The following AFAP1L1 variants were observed in gnomAD, a reference collection of about 807,000 sequenced individuals.
The protein encoded by AFAP1L1 is actin filament-associated protein 1-like 1.
Under a neutral mutation model 99.8 loss-of-function variants are expected in AFAP1L1, and 77 were observed. The ratio of observed to expected loss-of-function variants is 0.77; its 90% CI spans 0.64 to 0.93. The LOEUF is 0.93. AFAP1L1 is among the 40% of genes least tolerant of loss of function. The pLI is 0.00. For synonymous variants in AFAP1L1, 373 were observed against 395.3 expected (o/e 0.94, Z 0.67); for missense variants, 893 against 996.8 (o/e 0.90, Z 1.40).
chr5:149,297,202 G>A (rs1756045248), intron 1 of AFAP1L1, among the ~76,000 whole-genome samples: 1 of 152,166 alleles, frequency 6.6e-6, no homozygotes, highest in Non-Finnish European at 1.5e-5. Context: ...ATAATTACCT[G>A]CTTTAAAGAG....
rs1460014242 is a variant in AFAP1L1 at position 149,320,760 on chromosome 5, C to T, written c.1698+297C>T. Among the ~76,000 whole-genome samples the T allele has an allele frequency of 1.3e-5, 2 of 152,206 alleles. No homozygotes were observed. Among genetic ancestry groups the T allele is most frequent in the Non-Finnish European group, 2.9e-5 (2 of 68,040 alleles). ...GGTTTGAGCAAGTTGCTGGGGCCCTCCTCCTGTTTACCACTCTGTGAACTT... is the reference window on the plus strand; with the variant it reads ...GGTTTGAGCAAGTTGCTGGGGCCCTTCTCCTGTTTACCACTCTGTGAACTT... On this transcript the variant is annotated intron_variant, in intron 14 of 18. Transcript: ENST00000296721. The surrounding 1 kb of genome is among the most constrained non-coding windows in gnomAD (Gnocchi z 4.0).
Position 149,330,998 on chromosome 5 carries a change from G to A in AFAP1L1, c.1975+1168G>A, listed in dbSNP as rs531587704. Among the ~76,000 whole-genome samples, 34 of 151,950 alleles carry A rather than the reference G, an allele frequency of 2.2e-4. 1 individual carries two copies. The South Asian group carries it at 7.1e-3, about 32-fold the overall frequency. ...ACCATGCATTAAATACATGGTGAAT[G>A]GTGAATATAAAGAGTTCAACATTAC... On this transcript the variant is annotated intron_variant, in intron 16 of 18. Coordinates refer to ENST00000296721, the MANE Select transcript of AFAP1L1 (RefSeq NM_152406.4).
At chr5:149,278,388 GCCTTTCA>G (rs760410630) in intron 1 of AFAP1L1, among the ~76,000 whole-genome samples, 116 of 152,246 alleles carry the variant, frequency 7.6e-4, no homozygotes, top group Admixed American at 3.7e-3. Context: ...CCAAAGTCTA[GCCTTTCA>G]CCTCCATCAA....
In AFAP1L1 at chr5:149,340,930, G is replaced by T. The variant is rs898007160; in HGVS notation, c.*900G>T. The T allele has an allele frequency of 7.2e-5, 11 of 152,150 alleles. No individual in the cohort carries two copies. The highest frequency in any genetic ancestry group is 1.3e-4 in the Admixed American group (2 of 15,278). The allele number at this position is 152,150 out of a possible 1,614,324, so 9.4% of individuals were successfully genotyped here. A position where few individuals can be genotyped will look rare whatever the true frequency, so the allele number is the denominator to read the frequency against. On this transcript the variant is annotated 3_prime_UTR_variant, in exon 19 of 19. Coordinates refer to ENST00000296721, the MANE Select transcript of AFAP1L1 (RefSeq NM_152406.4). ...CTTGCACTCAGAGGCCCACTAGTTTGCCCTTCTATATATTAAGTAAAACCA... is the reference window on the plus strand; with the variant it reads ...CTTGCACTCAGAGGCCCACTAGTTTTCCCTTCTATATATTAAGTAAAACCA...
intron 5 of AFAP1L1, chr5:149,302,727 G>A: frequency 2.1e-6 from 1 of 482,936 alleles, no homozygotes; most frequent in Non-Finnish European, 3.7e-6. Context: ...GGCCCCAGGG[G>A]CTGGGGGCTT....
chr5:149,291,455 G>A (rs1055767561), intron 1 of AFAP1L1, among the ~76,000 whole-genome samples: 5 of 148,914 alleles, frequency 3.4e-5, no homozygotes, highest in Non-Finnish European at 4.4e-5. Context: ...GAACCCAGGA[G>A]GCGGAGGTTG....
chr5:149,334,869 ACT>A lies in AFAP1L1; in HGVS notation c.2155-722_2155-721del, dbSNP rs1434335603. On this transcript the variant is annotated intron_variant, in intron 17 of 18. Transcript: ENST00000296721. ...CCTCCAGCCTTGGCAAGAGAGCAAG[ACT>A]CTGTCTTACAAAAAAAAAAGAAAGA... 2.6e-5 allele frequency among the ~76,000 whole-genome samples: 4 copies of A among 151,894 alleles called. No individual in the cohort carries two copies. In the East Asian group the frequency reaches 7.7e-4, roughly 29 times the overall value.
At chr5:149,328,541 G>C (rs1757156920) in intron 15 of AFAP1L1, among the ~76,000 whole-genome samples, 1 of 152,188 alleles carries the variant, frequency 6.6e-6, no homozygotes, top group Non-Finnish European at 1.5e-5. Flanking sequence ...GGGCGCAGTG[G>C]CTCACTCCTG....
chr5:149,293,686 G>T (rs1205013670), intron 1 of AFAP1L1, among the ~76,000 whole-genome samples: 1 of 152,154 alleles, frequency 6.6e-6, no homozygotes, highest in Non-Finnish European at 1.5e-5. Flanking sequence ...CATAGTTGTG[G>T]AAAGTATTAG....
chr5:149,304,848 A>T (rs1037165890), intron 5 of AFAP1L1, among the ~76,000 whole-genome samples: 6 of 152,230 alleles, frequency 3.9e-5, no homozygotes, highest in African/African-American at 1.4e-4. Flanking sequence ...TGGGAATGTC[A>T]GTGCTGCCGT....
chr5:149,272,432 C>A (rs1164151827), intron 1 of AFAP1L1, among the ~76,000 whole-genome samples: 1 of 151,922 alleles, frequency 6.6e-6, no homozygotes, highest in African/African-American at 2.4e-5. Flanking sequence ...GAAGGAGGAG[C>A]GCCGTGAGCA....
Position 149,342,080 on chromosome 5 carries a change from A to C in AFAP1L1, c.*2050A>C, listed in dbSNP as rs1421856780. Reference sequence around the variant, plus strand: ...GTCAGCCATGGCCAGCTTCACAGGCATGCAACCTGTGCAGTCACACAGGGC... The same window carrying C: ...GTCAGCCATGGCCAGCTTCACAGGCCTGCAACCTGTGCAGTCACACAGGGC... On this transcript the variant is annotated 3_prime_UTR_variant, in exon 19 of 19. Coordinates refer to ENST00000296721, the MANE Select transcript of AFAP1L1 (RefSeq NM_152406.4). Among the ~76,000 whole-genome samples the C allele has an allele frequency of 6.6e-6, 1 of 152,230 alleles. No homozygotes were observed. The highest frequency in any genetic ancestry group is 2.4e-5 in the African/African-American group (1 of 41,470).
intron 1 of AFAP1L1, among the ~76,000 whole-genome samples, chr5:149,295,591 AGAGG>A (rs1755991499): frequency 6.6e-6 from 1 of 151,502 alleles, no homozygotes; most frequent in Non-Finnish European, 1.5e-5. Flanking sequence ...AAAAAGAAAA[AGAGG>A]GAGGGAGAAT....
chr5:149,319,782 C>A, intron 13 of AFAP1L1, 55 bp downstream of exon 13: 1 of 1,591,146 alleles, frequency 6.3e-7, no homozygotes, highest in Non-Finnish European at 8.5e-7. Flanking sequence ...GTCTCCATCC[C>A]TCTCAGAGGC....
At chr5:149,304,112 G>A (rs1011058571) in intron 5 of AFAP1L1, among the ~76,000 whole-genome samples, 1 of 152,152 alleles carries the variant, frequency 6.6e-6, no homozygotes, top group East Asian at 1.9e-4. Context: ...CACATAAATG[G>A]AGTCATATAA....
chr5:149,273,216 GTGT>G (rs932736390), intron 1 of AFAP1L1, among the ~76,000 whole-genome samples: 3 of 149,790 alleles, frequency 2.0e-5, no homozygotes, highest in Middle Eastern at 3.4e-3. Context: ...AACAGGCGAA[GTGT>G]TGTTGTTGTT....
chr5:149,336,742 C>T (rs570993850), intron 18 of AFAP1L1, among the ~76,000 whole-genome samples: 1 of 152,282 alleles, frequency 6.6e-6, no homozygotes, highest in East Asian at 1.9e-4. Context: ...TATCCATGAA[C>T]GGATTAATCC....
intron 1 of AFAP1L1, among the ~76,000 whole-genome samples, chr5:149,286,371 G>A (rs1354024805): frequency 2.0e-5 from 3 of 152,142 alleles, no homozygotes; most frequent in Non-Finnish European, 4.4e-5. Context: ...AGGAAATGCC[G>A]CAAACAAACA....
At chr5:149,319,806 G>A in intron 13 of AFAP1L1, 79 bp downstream of exon 13, 3 of 1,557,532 alleles carry the variant, frequency 1.9e-6, no homozygotes, top group East Asian at 4.7e-5. Context: ...GTCCAGCCCT[G>A]GGCACTGGGA....
Sources: gnomAD v4.1 joint callset for allele counts (sites outside exome capture counted in the v4.1 genomes callset) on GRCh38, gnomAD v4.1.1 for gene constraint, Gnocchi (gnomAD v3.1) non-coding constraint, MANE v1.5 for transcripts, NCBI Gene and HGNC (gene_info 2026-07-23, HGNC 2026-07-21) for gene names.